HYDIN: variants seen among roughly 807,000 people sequenced by gnomAD.
HYDIN encodes axonemal central pair apparatus protein HYDIN.
HYDIN carries 132 observed loss-of-function variants against 403.9 expected under a neutral mutation model. That is an observed-to-expected ratio of 0.33 (90% CI 0.28 to 0.38). The LOEUF is 0.38. Among genes scored for constraint, HYDIN ranks in the 10% least tolerant of loss-of-function variants. HYDIN has a pLI of 1.00. For missense variants in HYDIN, 2,827 were observed against 5,009.5 expected (o/e 0.56, Z 13.15); for synonymous variants, 1,202 against 1,891.7 (o/e 0.64, Z 9.46).
intron 72 of HYDIN, 67 bp from the exon 73 acceptor site, chr16:70,855,342 C>T: frequency 1.3e-6 from 1 of 796,942 alleles, no homozygotes; most frequent in Non-Finnish European, 2.0e-6. Flanking sequence ...TCAGCAGACA[C>T]CGCTTCACAG....
intron 41 of HYDIN, among the ~76,000 whole-genome samples, chr16:70,947,523 C>A (rs1264721011): frequency 6.0e-5 from 9 of 151,060 alleles, no homozygotes; most frequent in African/African-American, 1.7e-4. Context: ...TGTCTCTGCC[C>A]GGCTTTGGTA....
chr16:70,938,705 T>C lies in HYDIN; in HGVS notation c.6904A>G (p.Met2302Val). 5 of 1,613,976 alleles carry C rather than the reference T, an allele frequency of 3.1e-6. No homozygotes were observed. Among genetic ancestry groups the C allele is most frequent in the Non-Finnish European group, 4.2e-6 (5 of 1,179,870 alleles). Residue 2302 changes from methionine (M) to valine (V), a missense_variant, in exon 44 of 86, where the codon ATG becomes GTG. By Grantham distance (21) the Met-to-Val change is conservative. Coordinates refer to ENST00000393567, the MANE Select transcript of HYDIN (RefSeq NM_001270974.2). ...AGGGCATCATATTCTTCCTCATCCA[T>C]GTTTTGGAGACGCTCCTTCTCTTTC... Reference protein sequence around the residue: ...LEKEKERLQNMDEEEYDALTE... With the variant: ...LEKEKERLQNVDEEEYDALTE...
chr16:70,946,835 G>A (rs1204112041), intron 41 of HYDIN, among the ~76,000 whole-genome samples: 1 of 152,168 alleles, frequency 6.6e-6, no homozygotes, highest in Non-Finnish European at 1.5e-5. Flanking sequence ...AAGCAAGAGT[G>A]TTGGATTAAA....
Position 71,128,580 on chromosome 16 carries a change from GT to G in HYDIN, c.1227+1059del, listed in dbSNP as rs112708062. Among the ~76,000 whole-genome samples, 1,200 of 151,724 alleles carry G rather than the reference GT, an allele frequency of 7.9e-3. 15 individuals carry two copies. The highest frequency in any genetic ancestry group is 0.028 in the African/African-American group (1,140 of 41,354). ...GCGGGCTTCCTCACCTCCTATTGCTGTTTTTTTTGTTTGTTTTTTGTTTTTT... is the reference window on the plus strand; with the variant it reads ...GCGGGCTTCCTCACCTCCTATTGCTGTTTTTTTGTTTGTTTTTTGTTTTTT... On this transcript the variant is annotated intron_variant, in intron 9 of 85. Coordinates refer to ENST00000393567, the MANE Select transcript of HYDIN (RefSeq NM_001270974.2).
intron 84 of HYDIN, among the ~76,000 whole-genome samples, chr16:70,811,750 G>A (rs1316232707): frequency 3.3e-5 from 5 of 151,542 alleles, no homozygotes; most frequent in Non-Finnish European, 7.4e-5. Context: ...TTAGCTACTC[G>A]GGAGGCTGAG....
chr16:70,888,246 C>G (rs1006949575), intron 58 of HYDIN, among the ~76,000 whole-genome samples: 3 of 152,266 alleles, frequency 2.0e-5, no homozygotes, highest in Admixed American at 1.3e-4. Context: ...TTCAGTTCTT[C>G]CTGGTTCTTG....
intron 1 of HYDIN, among the ~76,000 whole-genome samples, chr16:71,196,099 T>C (rs2087687150): frequency 6.6e-6 from 1 of 152,254 alleles, no homozygotes; most frequent in South Asian, 2.1e-4. Context: ...ACAAGTATTA[T>C]AGTTTCAAAA....
intron 1 of HYDIN, among the ~76,000 whole-genome samples, chr16:71,228,904 C>T (rs1216214910): frequency 6.6e-6 from 1 of 152,060 alleles, no homozygotes; most frequent in Non-Finnish European, 1.5e-5. Context: ...TTGGAACCAA[C>T]CCAAATGTCC....
chr16:70,930,485 G>GA (rs940164621), intron 45 of HYDIN, among the ~76,000 whole-genome samples: 7 of 140,162 alleles, frequency 5.0e-5, no homozygotes, highest in South Asian at 4.5e-4. Context: ...TGTCTCAAAA[G>GA]AAAAAAAAAA....
In HYDIN at chr16:70,850,069, T is replaced by A. The variant is rs1253640335; in HGVS notation, c.12652-122A>T. ...TAAGGATGGCAGATGATGTTGGTGA[T>A]TTGACTATCTTTAGCTTAATGGAGT... is the stretch of plus-strand genomic sequence containing the variant. On this transcript the variant is annotated intron_variant, in intron 74 of 85. Transcript: ENST00000393567. 2.3e-5 allele frequency: 14 copies of A among 613,472 alleles called. 1 individual carries two copies. Among genetic ancestry groups the A allele is most frequent in the Non-Finnish European group, 2.9e-6 (1 of 342,410 alleles). 38.0% of individuals were successfully genotyped at this position (613,472 alleles called of 1,614,324 possible).
Position 70,807,489 on chromosome 16 carries a change from A to G in HYDIN, c.*91T>C. On this transcript the variant is annotated 3_prime_UTR_variant, in exon 86 of 86. Transcript: ENST00000393567. ...ATAATTGTATGAGAAGAATAAAAAC[A>G]GTTCCTTTAGAATTCTTATTGTTTT... 3.6e-6 allele frequency: 5 copies of G among 1,394,490 alleles called. No individual in the cohort carries two copies. The highest frequency in any genetic ancestry group is 4.9e-6 in the Non-Finnish European group (5 of 1,026,280). The allele number at this position is 1,394,490 out of a possible 1,614,324, so 86.4% of individuals were successfully genotyped here. A position where few individuals can be genotyped will look rare whatever the true frequency, so the allele number is the denominator to read the frequency against.
At position 71,047,559 on chromosome 16, in the gene HYDIN, C is replaced by G. The variant is rs1176654004; in HGVS notation, c.2529+12945G>C. ...ATCCTCTTTGGCACTAAACGGGTCACTTCAGATGGCTCAGGAAGAACCCAA... is the reference window on the plus strand; with the variant it reads ...ATCCTCTTTGGCACTAAACGGGTCAGTTCAGATGGCTCAGGAAGAACCCAA... On this transcript the variant is annotated intron_variant, in intron 18 of 85. Transcript: ENST00000393567. Among the ~76,000 whole-genome samples, 6 of 151,960 alleles carry G rather than the reference C, an allele frequency of 3.9e-5. No homozygotes were observed. The Middle Eastern group carries it at 0.01, about 258-fold the overall frequency.
Position 71,178,875 on chromosome 16 carries a change from A to G in HYDIN, c.381+53T>C, listed in dbSNP as rs543133252. 11 of 1,484,664 alleles carry G rather than the reference A, an allele frequency of 7.4e-6. No homozygotes were observed. The South Asian group carries it at 1.4e-4, about 20-fold the overall frequency. The allele number at this position is 1,484,664 out of a possible 1,614,324, so 92.0% of individuals were successfully genotyped here. A position where few individuals can be genotyped will look rare whatever the true frequency, so the allele number is the denominator to read the frequency against. ...TCCCTCAAGATCTCATTTTACTTTA[A>G]CCCATTCTCATATATCCTGGAACAG... On this transcript the variant is annotated intron_variant, in intron 4 of 85. Transcript: ENST00000393567.
At position 70,810,928 on chromosome 16, in the gene HYDIN, A is replaced by G. The variant is rs1011532228; in HGVS notation, c.14659-921T>C. Among the ~76,000 whole-genome samples the G allele has an allele frequency of 5.3e-5, 8 of 152,218 alleles. No homozygotes were observed. The East Asian group carries it at 1.5e-3, about 29-fold the overall frequency. On this transcript the variant is annotated intron_variant, in intron 84 of 85. Coordinates refer to ENST00000393567, the MANE Select transcript of HYDIN (RefSeq NM_001270974.2). ...GGAAGAAAGCAGGTTCCAGAAATGC[A>G]TATATAGTATGAGCTCTTTTTTGTG... is the stretch of plus-strand genomic sequence containing the variant.
At chr16:70,995,210 G>GT (rs1245784990) in intron 23 of HYDIN, among the ~76,000 whole-genome samples, 3 of 152,284 alleles carry the variant, frequency 2.0e-5, no homozygotes, top group South Asian at 4.1e-4. Context: ...CGCTGGTAGA[G>GT]TTTTTTTGGA....
chr16:71,169,734 C>T (rs1448160809), intron 5 of HYDIN, among the ~76,000 whole-genome samples: 1 of 151,920 alleles, frequency 6.6e-6, no homozygotes, highest in Non-Finnish European at 1.5e-5. Flanking sequence ...GTTCAGGAGA[C>T]CTATTATACA....
At chr16:71,207,274 A>G (rs2088348606) in intron 1 of HYDIN, among the ~76,000 whole-genome samples, 1 of 152,250 alleles carries the variant, frequency 6.6e-6, no homozygotes, top group Non-Finnish European at 1.5e-5. Flanking sequence ...GTCTATATTC[A>G]ACATTCTTAA....
chr16:71,216,994 T>C (rs1420048532), intron 1 of HYDIN, among the ~76,000 whole-genome samples: 1 of 152,198 alleles, frequency 6.6e-6, no homozygotes, highest in East Asian at 1.9e-4. Context: ...AAAAGAGTTT[T>C]ACAGCCAGCA....
intron 44 of HYDIN, among the ~76,000 whole-genome samples, chr16:70,936,487 C>A (rs2077496475): frequency 8.4e-6 from 1 of 118,488 alleles, no homozygotes; most frequent in Admixed American, 8.4e-5. Context: ...GGTATTAGTG[C>A]AGATGAGGCC....
Sources: allele counts gnomAD v4.1 joint callset (sites outside exome capture counted in the v4.1 genomes callset), GRCh38; gene constraint gnomAD v4.1.1; transcripts MANE v1.5; gene names NCBI Gene and HGNC (gene_info 2026-07-23, HGNC 2026-07-21).